Variants in NEGR1 observed in about 807,000 individuals in gnomAD.
NEGR1 encodes the protein IgLON family member 4.
Under a neutral mutation model 40.9 loss-of-function variants are expected in NEGR1, and 10 were observed. That is an observed-to-expected ratio of 0.24 (90% CI 0.15 to 0.42). The LOEUF (loss-of-function observed/expected upper bound fraction) is 0.42, where lower values mean the gene tolerates loss of function less well. NEGR1 is among the 10% of genes least tolerant of loss of function. The pLI, the probability that NEGR1 is intolerant of heterozygous loss-of-function variation, is 1.00. For missense variants in NEGR1, 352 were observed against 438.9 expected, an observed-to-expected ratio of 0.80 and a Z score of 1.77; for synonymous variants, 185 against 166.8, an observed-to-expected ratio of 1.11 and a Z score of -0.84.
At chr1:71,965,335 A>G (rs12048618) in intron 1 of NEGR1, among the ~76,000 whole-genome samples, 19,746 of 152,168 alleles carry the variant, frequency 0.13, 1,673 homozygotes, top group East Asian at 0.43. Context: ...CTATATTACT[A>G]ATAACTTTAG....
At chr1:71,696,467 T>A (rs1653478226) in intron 4 of NEGR1, among the ~76,000 whole-genome samples, 1 of 151,736 alleles carries the variant, frequency 6.6e-6, no homozygotes, top group Admixed American at 6.6e-5. Flanking sequence ...CCTTGTTTAT[T>A]TGATAGATTT....
intron 1 of NEGR1, among the ~76,000 whole-genome samples, chr1:72,165,861 C>G (rs1651745726): frequency 6.6e-6 from 1 of 152,002 alleles, no homozygotes; most frequent in Non-Finnish European, 1.5e-5. Context: ...TGAATAATTT[C>G]TAAGTATCTA....
intron 1 of NEGR1, among the ~76,000 whole-genome samples, chr1:72,150,610 A>G (rs1215095876): frequency 6.6e-6 from 1 of 152,160 alleles, no homozygotes; most frequent in Admixed American, 6.6e-5. Flanking sequence ...ACTAGCAGCC[A>G]CTTTGTAAAA....
chr1:71,454,949 G>T (rs373587058), intron 6 of NEGR1, among the ~76,000 whole-genome samples: 49 of 152,274 alleles, frequency 3.2e-4, no homozygotes, highest in African/African-American at 1.1e-3. Context: ...CTAACCTGGG[G>T]GTTGGCATAC....
At chr1:71,641,312 T>C (rs1022238063) in intron 4 of NEGR1, among the ~76,000 whole-genome samples, 8 of 152,072 alleles carry the variant, frequency 5.3e-5, no homozygotes, top group Admixed American at 2.0e-4. Flanking sequence ...ATGACACCGT[T>C]GCTGAAGACT....
At chr1:71,658,831 T>A (rs1285927946) in intron 4 of NEGR1, among the ~76,000 whole-genome samples, 1 of 152,178 alleles carries the variant, frequency 6.6e-6, no homozygotes, top group African/African-American at 2.4e-5. Flanking sequence ...TACTTGACAG[T>A]TATGTAAAAA....
intron 2 of NEGR1, among the ~76,000 whole-genome samples, chr1:71,787,960 T>C (rs1289745419): frequency 1.3e-5 from 2 of 152,174 alleles, no homozygotes; most frequent in East Asian, 1.9e-4. Flanking sequence ...TGTCAAAAAC[T>C]AACCATGATT....
chr1:71,602,041 ATAGCTTTCC>A lies in NEGR1; in HGVS notation c.788+8976_788+8984del, dbSNP rs1454031044. Among the ~76,000 whole-genome samples, 3 of 152,066 alleles carry A rather than the reference ATAGCTTTCC, an allele frequency of 2.0e-5. No homozygotes were observed. In the East Asian group the frequency reaches 5.8e-4, roughly 29 times the overall value. On this transcript the variant is annotated intron_variant, in intron 5 of 6. Transcript: ENST00000357731. The stretch of plus-strand genomic sequence containing the variant: ...TTTAGTACTCTTGAAAATCCCCTCA[ATAGCTTTCC>A]AATACTTCTGGAATCCAGTCCAAAT...
intron 6 of NEGR1, among the ~76,000 whole-genome samples, chr1:71,520,345 C>T (rs1647147388): frequency 6.6e-6 from 1 of 152,060 alleles, no homozygotes; most frequent in Admixed American, 6.6e-5. Context: ...TGACCTACCT[C>T]CAATGTCATA....
At position 71,491,429 on chromosome 1, in the gene NEGR1, C is replaced by T. The variant is rs552958286; in HGVS notation, c.941-83859G>A. ...TGACATTATCATGGACTTCAGAAAA[C>T]GTGAAGGAATATGTATTTATTTGGG... On this transcript the variant is annotated intron_variant, in intron 6 of 6. Coordinates refer to ENST00000357731, the MANE Select transcript of NEGR1 (RefSeq NM_173808.3). Among the ~76,000 whole-genome samples the T allele has an allele frequency of 3.5e-4, 53 of 151,774 alleles. No individual in the cohort carries two copies. In the South Asian group the frequency reaches 4.8e-3, roughly 14 times the overall value.
intron 1 of NEGR1, among the ~76,000 whole-genome samples, chr1:72,250,442 CTGTT>C (rs756108362): frequency 2.0e-5 from 3 of 152,198 alleles, no homozygotes; most frequent in East Asian, 1.9e-4. Context: ...AAAAAAATGA[CTGTT>C]TGTAAATGCA....
chr1:71,947,131 C>T (rs189229602), intron 1 of NEGR1, among the ~76,000 whole-genome samples: 5,401 of 139,762 alleles, frequency 0.039, 338 homozygotes, highest in African/African-American at 0.13. Context: ...CACACACACA[C>T]GTATATGTAT....
intron 1 of NEGR1, among the ~76,000 whole-genome samples, chr1:72,176,179 T>TAG (rs1652156794): frequency 6.6e-6 from 1 of 152,148 alleles, no homozygotes; most frequent in South Asian, 2.1e-4. Flanking sequence ...TGCACAGTTC[T>TAG]AGCAATGGTA....
intron 1 of NEGR1, among the ~76,000 whole-genome samples, chr1:72,271,116 T>A (rs1018995218): frequency 2.6e-5 from 4 of 151,866 alleles, no homozygotes; most frequent in Non-Finnish European, 5.9e-5. Flanking sequence ...CCATTCTGGA[T>A]GCCTCAAAGC....
intron 6 of NEGR1, among the ~76,000 whole-genome samples, chr1:71,524,722 A>G (rs983099813): frequency 6.6e-6 from 1 of 151,714 alleles, no homozygotes; most frequent in African/African-American, 2.4e-5. Flanking sequence ...TTGGATTATG[A>G]TTAGCTGACT....
intron 1 of NEGR1, among the ~76,000 whole-genome samples, chr1:72,051,843 G>T (rs963351462): frequency 1.9e-4 from 29 of 151,576 alleles, no homozygotes; most frequent in African/African-American, 5.8e-4. Context: ...CAGAGCCAGG[G>T]TCTTGAATCA....
intron 1 of NEGR1, among the ~76,000 whole-genome samples, chr1:72,189,061 G>C (rs1466766809): frequency 6.6e-6 from 1 of 151,480 alleles, no homozygotes; most frequent in Non-Finnish European, 1.5e-5. Flanking sequence ...TCAATAGTTT[G>C]TCAACAGCCA....
chr1:71,509,919 A>G (rs972724460), intron 6 of NEGR1, among the ~76,000 whole-genome samples: 1 of 152,228 alleles, frequency 6.6e-6, no homozygotes, highest in Non-Finnish European at 1.5e-5. Flanking sequence ...TGTGCTAGAC[A>G]TAATAATAGA....
chr1:71,997,595 C>T (rs902921462), intron 1 of NEGR1, among the ~76,000 whole-genome samples: 26 of 151,816 alleles, frequency 1.7e-4, no homozygotes, highest in East Asian at 1.4e-3. Flanking sequence ...AACTTCCTGG[C>T]GACAGAAACA....
Sources: gnomAD v4.1 joint callset for allele counts (sites outside exome capture counted in the v4.1 genomes callset) on GRCh38, gnomAD v4.1.1 for gene constraint, MANE v1.5 for transcripts, NCBI Gene and HGNC (gene_info 2026-07-23, HGNC 2026-07-21) for gene names.